TENM2: variants seen among roughly 807,000 people sequenced by gnomAD.
TENM2 encodes the protein teneurin-2.
TENM2 carries 52 observed loss-of-function variants against 245.2 expected under a neutral mutation model. That is an observed-to-expected ratio of 0.21 (90% CI 0.17 to 0.27). The LOEUF is 0.27. Ranked by LOEUF, TENM2 falls within the 10% of genes least tolerant of loss-of-function variation. The pLI is 1.00. For synonymous variants in TENM2, 1,363 were observed against 1,438.9 expected, an observed-to-expected ratio of 0.95 and a Z score of 1.19; for missense variants, 3,046 against 3,666.8, an observed-to-expected ratio of 0.83 and a Z score of 4.37.
intron 5 of TENM2, among the ~76,000 whole-genome samples, chr5:167,995,139 C>T (rs554286630): frequency 1.3e-5 from 2 of 152,230 alleles, no homozygotes; most frequent in Admixed American, 6.5e-5. Flanking sequence ...CTGCCAATAC[C>T]GTCCCAGTGC....
intron 5 of TENM2, among the ~76,000 whole-genome samples, chr5:168,040,612 C>T (rs184806052): frequency 2.0e-5 from 3 of 152,122 alleles, no homozygotes; most frequent in Admixed American, 1.3e-4. Context: ...TTTTGGTAAC[C>T]CTTTAAGATT....
At chr5:167,844,204 G>A (rs144787342) in intron 2 of TENM2, among the ~76,000 whole-genome samples, 68 of 152,296 alleles carry the variant, frequency 4.5e-4, no homozygotes, top group African/African-American at 1.5e-3. Flanking sequence ...CTTTGAAATC[G>A]TTGATGTGAA....
intron 12 of TENM2, among the ~76,000 whole-genome samples, chr5:168,143,513 A>T (rs1755744943): frequency 6.6e-6 from 1 of 152,240 alleles, no homozygotes; most frequent in Non-Finnish European, 1.5e-5. Flanking sequence ...ATTAGATTGC[A>T]TTAAAATAAC....
intron 9 of TENM2, among the ~76,000 whole-genome samples, chr5:168,102,049 GTTT>G (rs1207863866): frequency 2.8e-5 from 3 of 106,356 alleles, no homozygotes; most frequent in African/African-American, 1.1e-4. Context: ...TAGTTTTTTT[GTTT>G]TTGTGTGTGT....
chr5:168,145,308 T>G (rs1293068438), intron 12 of TENM2, among the ~76,000 whole-genome samples: 5 of 145,994 alleles, frequency 3.4e-5, no homozygotes, highest in African/African-American at 1.3e-4. Context: ...GTTTTTATGG[T>G]TTTAGATCTA....
At chr5:167,630,565 AG>A (rs1278896096) in intron 2 of TENM2, among the ~76,000 whole-genome samples, 2 of 152,204 alleles carry the variant, frequency 1.3e-5, no homozygotes, top group Non-Finnish European at 2.9e-5. Flanking sequence ...GCCGCAAATA[AG>A]GGGGGAGTTA....
At position 168,255,441 on chromosome 5, in the gene TENM2, A is replaced by G. The variant is rs1262726932; in HGVS notation, c.7433-4842A>G. Among the ~76,000 whole-genome samples, 9 of 152,164 alleles carry G rather than the reference A, an allele frequency of 5.9e-5. No homozygotes were observed. In the South Asian group the frequency reaches 1.7e-3, roughly 28 times the overall value. ...ATCAGCCTCCTGAGGAGCTGGGACT[A>G]CAGGTGCCCACCACCAAGCTGAGCT... On this transcript the variant is annotated intron_variant, in intron 27 of 28. Transcript: ENST00000518659.
At chr5:167,463,409 A>G (rs147111812) in intron 2 of TENM2, among the ~76,000 whole-genome samples, 1 of 152,292 alleles carries the variant, frequency 6.6e-6, no homozygotes, top group East Asian at 1.9e-4. Context: ...TATTTACCCC[A>G]CAGTAACTGA....
the TENM2 span, among the ~76,000 whole-genome samples, chr5:167,036,292 G>T: frequency 4.6e-5 from 7 of 152,178 alleles, no homozygotes; most frequent in Admixed American, 3.3e-4. Flanking sequence ...AAAGCCAGTG[G>T]CTGGATCACA....
chr5:167,444,643 A>G (rs1169988561), intron 2 of TENM2, among the ~76,000 whole-genome samples: 1 of 152,130 alleles, frequency 6.6e-6, no homozygotes, highest in African/African-American at 2.4e-5. Flanking sequence ...CAATTCACCA[A>G]TTCATTAGTT....
chr5:167,821,424 G>A (rs1291504425), intron 2 of TENM2: 1 of 152,178 alleles, frequency 6.6e-6, no homozygotes, highest in African/African-American at 2.4e-5. Flanking sequence ...CACAGAAAAA[G>A]CATAGATGAC....
chr5:168,175,087 C>T (rs1759236989), intron 13 of TENM2, among the ~76,000 whole-genome samples: 1 of 152,196 alleles, frequency 6.6e-6, no homozygotes, highest in Admixed American at 6.5e-5. Flanking sequence ...TTCTTACTAG[C>T]TGTGCTTCCT....
chr5:167,179,120 CAAG>C, the TENM2 span, among the ~76,000 whole-genome samples: 2 of 152,068 alleles, frequency 1.3e-5, no homozygotes, highest in Non-Finnish European at 2.9e-5. Context: ...ATTCCACTCT[CAAG>C]GAGTTAAAAA....
At chr5:168,111,194 T>C (rs556258254) in intron 9 of TENM2, among the ~76,000 whole-genome samples, 1 of 152,336 alleles carries the variant, frequency 6.6e-6, no homozygotes, top group African/African-American at 2.4e-5. Flanking sequence ...ACACACCTGA[T>C]GAGTTTTTTG....
rs368327901 is a variant in TENM2, at chr5:168,093,178, T to A, written c.1711+2409T>A. On this transcript the variant is annotated intron_variant, in intron 8 of 28. Transcript: ENST00000518659. ...AGCACCTTTTCTGGGGTTCGGATTA[T>A]TTCCCAACAACTTCTGTCCTCCTTT... Among the ~76,000 whole-genome samples, 41 of 152,342 alleles carry A rather than the reference T, an allele frequency of 2.7e-4. No individual in the cohort carries two copies. In the South Asian group the frequency reaches 7.9e-3, roughly 29 times the overall value.
At chr5:167,254,444 C>T in the TENM2 span, among the ~76,000 whole-genome samples, 1 of 152,128 alleles carries the variant, frequency 6.6e-6, no homozygotes, top group South Asian at 2.1e-4. Context: ...AAAGTCATCC[C>T]TCCACCCAGC....
At chr5:167,832,364 G>T (rs952626574) in intron 2 of TENM2, among the ~76,000 whole-genome samples, 1 of 152,170 alleles carries the variant, frequency 6.6e-6, no homozygotes, top group Non-Finnish European at 1.5e-5. Flanking sequence ...ATGCTCACAG[G>T]CCCACACGCT....
chr5:167,116,200 GC>G, the TENM2 span: 2 of 152,204 alleles, frequency 1.3e-5, no homozygotes, highest in East Asian at 3.9e-4. Flanking sequence ...AGCAAGGAAA[GC>G]TTTCAGACCA....
intron 5 of TENM2, among the ~76,000 whole-genome samples, chr5:167,996,374 A>C (rs567580120): frequency 1.4e-4 from 22 of 152,232 alleles, no homozygotes; most frequent in African/African-American, 5.3e-4. Flanking sequence ...TCCTGGAATA[A>C]ATTACTCTGG....
Sources: gnomAD v4.1 joint callset for allele counts (sites outside exome capture counted in the v4.1 genomes callset) on GRCh38, gnomAD v4.1.1 for gene constraint, MANE v1.5 for transcripts, NCBI Gene and HGNC (gene_info 2026-07-23, HGNC 2026-07-21) for gene names.